Variants in RTTN observed in about 807,000 individuals in gnomAD.
RTTN encodes the protein rotatin.
A neutral mutation model predicts 269.2 loss-of-function variants in RTTN; 182 were observed. The observed-to-expected ratio is 0.68, with a 90% CI of 0.60 to 0.76. The LOEUF (loss-of-function observed/expected upper bound fraction) is 0.76. RTTN is among the 30% of genes least tolerant of loss of function. RTTN has a pLI of 0.00. For synonymous variants in RTTN, 1,006 were observed against 963.5 expected (o/e 1.04, Z -0.82); for missense variants, 2,545 against 2,608.6 (o/e 0.98, Z 0.53).
rs773054762 is a variant in RTTN, at chr18:70,088,066, T to G, written c.4225A>C (p.Asn1409His). ...GTTCCCCAGAGCCCACCGGAAATGT[T>G]CTGACAACTGTTTGCTAAGGCCACA... The part of the protein sequence containing the change: ...GCVALANSCQ[N>H]ISGGLWGTVV... The change falls in exon 31 of 49, where the codon AAC (asparagine) becomes CAC (histidine). Residue 1409 changes from asparagine to histidine, a missense_variant. Physicochemically the swap from Asn to His is moderately conservative, Grantham distance 68. Coordinates refer to ENST00000640769, the MANE Select transcript of RTTN (RefSeq NM_173630.4). The G allele has an allele frequency of 2.3e-5, 37 of 1,613,826 alleles. No individual in the cohort carries two copies. The South Asian group carries it at 2.3e-4, about 10-fold the overall frequency.
intron 23 of RTTN, chr18:70,130,319 T>C (rs2059965763): frequency 1.3e-5 from 2 of 152,124 alleles, no homozygotes; most frequent in Non-Finnish European, 1.5e-5. Context: ...CAAAGAGATA[T>C]ATGCACTCCC....
At chr18:70,089,001 T>A (rs555146228) in intron 30 of RTTN, among the ~76,000 whole-genome samples, 9 of 152,194 alleles carry the variant, frequency 5.9e-5, no homozygotes, top group Non-Finnish European at 1.2e-4. Flanking sequence ...AATTTCCAGA[T>A]CCTTTTTATT....
chr18:70,184,716 T>TGTGTGTG lies in RTTN; in HGVS notation c.1305+3391_1305+3392insCACACAC, dbSNP rs1555776913. On this transcript the variant is annotated intron_variant, in intron 10 of 48. Transcript: ENST00000640769. The stretch of plus-strand genomic sequence containing the variant: ...AAACCACAGCAGGTTTTTTTTTTTT[T>TGTGTGTG]TGTGTGTGTGTGTGTGTGTGTGTGT... Among the ~76,000 whole-genome samples the TGTGTGTG allele has an allele frequency of 1.6e-3, 55 of 33,444 alleles. 1 individual carries two copies. The highest frequency in any genetic ancestry group is 2.3e-3 in the African/African-American group (36 of 15,678). The allele number at this position is 33,444 out of a possible 152,430, so 21.9% of individuals were successfully genotyped here. A position where few individuals can be genotyped will look rare whatever the true frequency, so the allele number is the denominator to read the frequency against.
chr18:70,020,804 A>G lies in RTTN; in HGVS notation c.5964T>C (p.Leu1988=). The part of the protein sequence containing the change: ...TANFPNGCSS[L]CWSSCGQHPV... ...GGTGTTGTCCACAACTTGACCAACA[A>G]AGAGAACTGCAACCTTCAAAAATAA... Residue 1988 remains leucine, a synonymous_variant, in exon 45 of 49, where the codon CTT becomes CTC. Transcript: ENST00000640769. 1.2e-6 allele frequency: 2 copies of G among 1,611,964 alleles called. No individual in the cohort carries two copies. Among genetic ancestry groups the G allele is most frequent in the African/African-American group, 1.3e-5 (1 of 74,996 alleles).
chr18:70,123,057 T>A (rs1179855184), intron 25 of RTTN, among the ~76,000 whole-genome samples: 1 of 152,154 alleles, frequency 6.6e-6, no homozygotes, highest in Non-Finnish European at 1.5e-5. Flanking sequence ...TTAATTTGTA[T>A]AATATTTGTT....
chr18:70,196,453 G>A, intron 7 of RTTN, 48 bp downstream of exon 7: 1 of 1,535,532 alleles, frequency 6.5e-7, no homozygotes, highest in South Asian at 1.2e-5. Flanking sequence ...GTTCCCAGAA[G>A]AATCTACAAA....
chr18:70,163,088 A>C (rs1048629306), intron 14 of RTTN, among the ~76,000 whole-genome samples: 1 of 146,896 alleles, frequency 6.8e-6, no homozygotes, highest in Non-Finnish European at 1.5e-5. Context: ...AAAAAAAAAA[A>C]AAAAAAAAAA....
chr18:70,076,465 T>C (rs1184677598), intron 32 of RTTN, among the ~76,000 whole-genome samples: 1 of 152,076 alleles, frequency 6.6e-6, no homozygotes, highest in Non-Finnish European at 1.5e-5. Flanking sequence ...AAGATGGATA[T>C]TTTAACTTAC....
chr18:70,057,381 T>A (rs2057848725), intron 37 of RTTN, among the ~76,000 whole-genome samples: 1 of 152,204 alleles, frequency 6.6e-6, no homozygotes, highest in South Asian at 2.1e-4. Context: ...TTAACAACTT[T>A]AACTTTGGTG....
chr18:70,140,820 A>AT (rs1216805388), intron 19 of RTTN, among the ~76,000 whole-genome samples: 1 of 152,156 alleles, frequency 6.6e-6, no homozygotes, highest in Non-Finnish European at 1.5e-5. Flanking sequence ...GCACACACAA[A>AT]TGTTACCGGA....
chr18:70,133,602 C>CA (rs1430800802), intron 23 of RTTN, among the ~76,000 whole-genome samples: 3 of 58,112 alleles, frequency 5.2e-5, no homozygotes, highest in Non-Finnish European at 1.6e-4. Flanking sequence ...CAAATCTCTC[C>CA]AAGTTGAGCA....
chr18:70,051,681 C>T, intron 38 of RTTN, 133 bp from the exon 39 acceptor site: 1 of 576,190 alleles, frequency 1.7e-6, no homozygotes, highest in Non-Finnish European at 2.8e-6. Flanking sequence ...GAAGACAAAT[C>T]TAATTCAGCA....
At chr18:70,164,550 C>CAA (rs71178857) in intron 14 of RTTN, among the ~76,000 whole-genome samples, 5 of 151,564 alleles carry the variant, frequency 3.3e-5, no homozygotes, top group East Asian at 3.9e-4. Context: ...ATATCACCAT[C>CAA]AAAAAAAGTA....
rs2056182270 is a variant in RTTN, at chr18:70,006,245, G to C, written c.6525+136C>G. 6 of 594,920 alleles carry C rather than the reference G, an allele frequency of 1.0e-5. No homozygotes were observed. The Admixed American group carries it at 1.5e-4, about 15-fold the overall frequency. The allele number at this position is 594,920 out of a possible 1,614,324, so 36.9% of individuals were successfully genotyped here. On this transcript the variant is annotated intron_variant, in intron 47 of 48. Coordinates refer to ENST00000640769, the MANE Select transcript of RTTN (RefSeq NM_173630.4). ...TTTACTAATTGTATGAATCAGCAAA[G>C]GGAACATGGATCTTTGATTTTGTCT...
chr18:70,032,431 C>T (rs935987072), intron 40 of RTTN, among the ~76,000 whole-genome samples: 2 of 152,146 alleles, frequency 1.3e-5, no homozygotes, highest in African/African-American at 4.8e-5. Flanking sequence ...TGCCTGCAGG[C>T]ACTCACCCAT....
chr18:70,151,307 A>G (rs2060532224), intron 14 of RTTN, among the ~76,000 whole-genome samples: 1 of 150,624 alleles, frequency 6.6e-6, no homozygotes, highest in Admixed American at 6.6e-5. Context: ...TACCTAAAAT[A>G]CAATTACTTT....
chr18:70,048,785 T>C (rs2057567568), intron 39 of RTTN, among the ~76,000 whole-genome samples: 1 of 152,096 alleles, frequency 6.6e-6, no homozygotes, highest in African/African-American at 2.4e-5. Context: ...GAAAAGACTC[T>C]TATAGATAAC....
intron 26 of RTTN, among the ~76,000 whole-genome samples, chr18:70,117,156 A>T (rs1024840143): frequency 1.8e-4 from 28 of 152,084 alleles, no homozygotes; most frequent in Middle Eastern, 3.2e-3. Flanking sequence ...TCCTCTTAGC[A>T]TTCTTCTGAC....
At chr18:70,124,551 A>G (rs754165006) in intron 25 of RTTN, among the ~76,000 whole-genome samples, 2 of 152,096 alleles carry the variant, frequency 1.3e-5, no homozygotes, top group Middle Eastern at 3.2e-3. Context: ...AAGGATGTAT[A>G]AAACAGAAGT....
Sources: allele counts gnomAD v4.1 joint callset (sites outside exome capture counted in the v4.1 genomes callset), GRCh38; gene constraint gnomAD v4.1.1; transcripts MANE v1.5; gene names NCBI Gene and HGNC (gene_info 2026-07-23, HGNC 2026-07-21).